CRPPA: variants seen among roughly 807,000 people sequenced by gnomAD.
CRPPA encodes the protein D-ribitol-5-phosphate cytidylyltransferase.
CRPPA carries 43 observed loss-of-function variants against 52.0 expected under a neutral mutation model. That is an observed-to-expected ratio of 0.83 (90% confidence interval 0.65 to 1.07). The LOEUF (loss-of-function observed/expected upper bound fraction) is 1.07. CRPPA is among the 50% of genes least tolerant of loss of function. CRPPA has a pLI of 0.00. For missense variants in CRPPA, 629 were observed against 551.7 expected (o/e 1.14, Z -1.40); for synonymous variants, 250 against 203.5 (o/e 1.23, Z -1.94).
At chr7:16,367,774 G>A (rs1198684416) in intron 3 of CRPPA, among the ~76,000 whole-genome samples, 1 of 152,108 alleles carries the variant, frequency 6.6e-6, no homozygotes, top group African/African-American at 2.4e-5. Flanking sequence ...TAAGCGACGG[G>A]AATCTTTAAA....
intron 2 of CRPPA, among the ~76,000 whole-genome samples, chr7:16,397,191 T>G (rs111465975): frequency 0.016 from 2,384 of 152,328 alleles, 57 homozygotes; most frequent in African/African-American, 0.049. Flanking sequence ...TATCAAAACG[T>G]GATGGACGTG....
intron 2 of CRPPA, among the ~76,000 whole-genome samples, chr7:16,389,969 C>CTG (rs1787401651): frequency 9.9e-6 from 1 of 101,282 alleles, no homozygotes; most frequent in South Asian, 3.4e-4. Context: ...CAGTTTACTG[C>CTG]TAGCATATAG....
intron 2 of CRPPA, among the ~76,000 whole-genome samples, chr7:16,381,433 G>C (rs1478016768): frequency 6.6e-6 from 1 of 151,928 alleles, no homozygotes; most frequent in Admixed American, 6.6e-5. Context: ...TTTTGGAATA[G>C]GTTTGGTGTG....
intron 8 of CRPPA, chr7:16,248,160 C>A (rs1046987023): frequency 1.3e-5 from 2 of 152,038 alleles, no homozygotes; most frequent in African/African-American, 2.4e-5. Context: ...CAAAGTGAGA[C>A]CCCATCTCTA....
chr7:16,258,832 A>C (rs2128412468), intron 7 of CRPPA, 88 bp downstream of exon 7: 1 of 749,950 alleles, frequency 1.3e-6, no homozygotes, highest in Non-Finnish European at 2.1e-6. Context: ...TCATCATAAT[A>C]TCATATATAA....
At chr7:16,376,843 C>T (rs1377730451) in intron 2 of CRPPA, among the ~76,000 whole-genome samples, 1 of 152,168 alleles carries the variant, frequency 6.6e-6, no homozygotes, top group Non-Finnish European at 1.5e-5. Context: ...ATAATAGTTG[C>T]ATCTGAACTT....
intron 6 of CRPPA, among the ~76,000 whole-genome samples, chr7:16,266,921 T>A (rs532436638): frequency 6.6e-6 from 1 of 152,322 alleles, no homozygotes; most frequent in African/African-American, 2.4e-5. Flanking sequence ...GGGAAACGAC[T>A]GGCATTAACT....
intron 3 of CRPPA, among the ~76,000 whole-genome samples, chr7:16,335,759 A>T (rs763896751): frequency 1.3e-5 from 2 of 152,228 alleles, no homozygotes; most frequent in Non-Finnish European, 2.9e-5. Flanking sequence ...AAAGACAACA[A>T]CCATATACAG....
intron 9 of CRPPA, among the ~76,000 whole-genome samples, chr7:16,212,785 T>C (rs1242801835): frequency 1.3e-5 from 2 of 152,220 alleles, no homozygotes; most frequent in Non-Finnish European, 2.9e-5. Context: ...CTGGGGCCTA[T>C]AAAACTTACA....
intron 8 of CRPPA, among the ~76,000 whole-genome samples, chr7:16,239,755 T>C (rs140356731): frequency 1.3e-5 from 2 of 152,246 alleles, no homozygotes; most frequent in African/African-American, 4.8e-5. Context: ...TTTACTAGAA[T>C]AGCACTGGAA....
intron 9 of CRPPA, among the ~76,000 whole-genome samples, chr7:16,140,487 G>T (rs1380651458): frequency 1.3e-5 from 2 of 152,204 alleles, no homozygotes; most frequent in Non-Finnish European, 2.9e-5. Flanking sequence ...TTTTTAAGAA[G>T]TATGGCGGTA....
At chr7:16,390,408 G>A (rs1468212567) in intron 2 of CRPPA, among the ~76,000 whole-genome samples, 1 of 152,028 alleles carries the variant, frequency 6.6e-6, no homozygotes, top group Non-Finnish European at 1.5e-5. Context: ...ATTTCAATCA[G>A]GCCATTATCG....
At chr7:16,319,090 A>C (rs1562628698) in intron 3 of CRPPA, among the ~76,000 whole-genome samples, 1 of 152,148 alleles carries the variant, frequency 6.6e-6, no homozygotes. Flanking sequence ...TGAGTGTTTA[A>C]ATCAGTGGCT....
At chr7:16,216,396 C>A (rs1482031876) in intron 8 of CRPPA, 199 bp from the exon 9 acceptor site, 2 of 396,104 alleles carry the variant, frequency 5.0e-6, no homozygotes, top group Non-Finnish European at 8.9e-6. Context: ...GTAGTAAACA[C>A]TCAGAGAAAA....
At chr7:16,268,180 T>C (rs1473427826) in intron 6 of CRPPA, among the ~76,000 whole-genome samples, 1 of 152,006 alleles carries the variant, frequency 6.6e-6, no homozygotes, top group Non-Finnish European at 1.5e-5. Flanking sequence ...ATTGTCTAGA[T>C]AAGAAATATT....
chr7:16,178,651 G>C (rs1227522243), intron 9 of CRPPA, among the ~76,000 whole-genome samples: 1 of 152,010 alleles, frequency 6.6e-6, no homozygotes, highest in African/African-American at 2.4e-5. Flanking sequence ...GTTGAGGGCA[G>C]ACTATCAGTG....
intron 8 of CRPPA, among the ~76,000 whole-genome samples, chr7:16,244,447 C>A (rs1783211875): frequency 6.6e-6 from 1 of 152,156 alleles, no homozygotes; most frequent in African/African-American, 2.4e-5. Context: ...AGTTACATGA[C>A]CCTTTAGAAT....
chr7:16,398,756 C>T (rs1184730007), intron 2 of CRPPA, among the ~76,000 whole-genome samples: 2 of 152,096 alleles, frequency 1.3e-5, no homozygotes, highest in African/African-American at 4.8e-5. Flanking sequence ...TGACATGTGA[C>T]AAACACGTGA....
At chr7:16,384,746 C>A (rs983023161) in intron 2 of CRPPA, among the ~76,000 whole-genome samples, 2 of 149,360 alleles carry the variant, frequency 1.3e-5, no homozygotes, top group African/African-American at 4.9e-5. Context: ...CCAACCAAGT[C>A]ATAAACAAAT....
Sources: gnomAD v4.1 joint callset for allele counts (sites outside exome capture counted in the v4.1 genomes callset) on GRCh38, gnomAD v4.1.1 for gene constraint, MANE v1.5 for transcripts, NCBI Gene and HGNC (gene_info 2026-07-23, HGNC 2026-07-21) for gene names.